The following GPC6 variants were observed in gnomAD, a reference collection of about 807,000 sequenced individuals.
GPC6 encodes glypican-6.
In GPC6, 14 loss-of-function variants were observed where a neutral mutation model predicts 55.2. The ratio of observed to expected loss-of-function variants is 0.25; its 90% CI spans 0.17 to 0.40. The LOEUF (loss-of-function observed/expected upper bound fraction) is 0.40, where lower values mean the gene tolerates loss of function less well. Among genes scored for constraint, GPC6 ranks in the 10% least tolerant of loss-of-function variants. The probability of loss-of-function intolerance (pLI) is 1.00; values close to 1 mark genes in which losing one functional copy is unlikely to be tolerated. For missense variants in GPC6, 641 were observed against 708.5 expected (o/e 0.90, Z 1.08); for synonymous variants, 278 against 259.6 (o/e 1.07, Z -0.68).
intron 6 of GPC6, among the ~76,000 whole-genome samples, chr13:94,359,178 C>A (rs981840160): frequency 8.5e-5 from 13 of 152,152 alleles, no homozygotes; most frequent in African/African-American, 2.7e-4. Flanking sequence ...ATTGAAAATG[C>A]ACTAGGCCTT....
chr13:94,401,146 C>T (rs560793348), intron 8 of GPC6, among the ~76,000 whole-genome samples: 3 of 152,150 alleles, frequency 2.0e-5, no homozygotes, highest in Non-Finnish European at 4.4e-5. Context: ...TGAGTAACTG[C>T]CCAAAGCACA....
chr13:93,587,853 A>AT (rs1170517696), intron 2 of GPC6, among the ~76,000 whole-genome samples: 2 of 152,138 alleles, frequency 1.3e-5, no homozygotes, highest in Non-Finnish European at 2.9e-5. Context: ...GGAACACATA[A>AT]TGCGTTTCGA....
At chr13:93,235,336 G>A (rs181837279) in intron 1 of GPC6, among the ~76,000 whole-genome samples, 97 of 152,246 alleles carry the variant, frequency 6.4e-4, no homozygotes, top group African/African-American at 2.2e-3. Context: ...AATAGATAGG[G>A]TGGGATTGGA....
intron 3 of GPC6, among the ~76,000 whole-genome samples, chr13:93,964,317 G>T (rs1197516303): frequency 1.3e-5 from 2 of 152,100 alleles, no homozygotes; most frequent in South Asian, 2.1e-4. Context: ...GGAAAATGAG[G>T]TCCACACATA....
chr13:94,335,103 C>G (rs755204916), intron 6 of GPC6, among the ~76,000 whole-genome samples: 1 of 152,100 alleles, frequency 6.6e-6, no homozygotes, highest in African/African-American at 2.4e-5. Flanking sequence ...TAAGCATAAT[C>G]TAGAAAGTAC....
intron 2 of GPC6, among the ~76,000 whole-genome samples, chr13:93,682,297 C>T (rs969895519): frequency 2.0e-5 from 3 of 152,154 alleles, no homozygotes; most frequent in Non-Finnish European, 4.4e-5. Context: ...TACTATAAGG[C>T]AGTGAGAACA....
intron 1 of GPC6, among the ~76,000 whole-genome samples, chr13:93,287,297 A>G (rs908254535): frequency 2.6e-5 from 4 of 152,186 alleles, no homozygotes; most frequent in African/African-American, 9.6e-5. Context: ...GCCAATGAGA[A>G]CAGAGGATTC....
intron 1 of GPC6, among the ~76,000 whole-genome samples, chr13:93,243,968 T>C (rs922525527): frequency 6.6e-6 from 1 of 151,696 alleles, no homozygotes; most frequent in African/African-American, 2.4e-5. Context: ...GCCGTGGAAC[T>C]CCTAAAAGGC....
intron 1 of GPC6, among the ~76,000 whole-genome samples, chr13:93,283,169 G>A (rs1203558395): frequency 2.0e-5 from 3 of 152,244 alleles, no homozygotes; most frequent in African/African-American, 7.2e-5. Flanking sequence ...TGCCTGCTAT[G>A]GTGGAAGAGG....
chr13:94,219,981 C>T lies in GPC6; in HGVS notation c.878-66368C>T, dbSNP rs776691309. ...TTAGAAGTCAAAGTTTTTTCCATTG[C>T]GCATGCCTGAACCACATGACTTCTG... is the stretch of plus-strand genomic sequence containing the variant. On this transcript the variant is annotated intron_variant, in intron 4 of 8. Transcript: ENST00000377047. Among the ~76,000 whole-genome samples, 14 of 152,022 alleles carry T rather than the reference C, an allele frequency of 9.2e-5. No individual in the cohort carries two copies. In the East Asian group the frequency reaches 1.9e-3, roughly 21 times the overall value.
intron 1 of GPC6, among the ~76,000 whole-genome samples, chr13:93,363,973 G>T (rs1881146361): frequency 6.6e-6 from 1 of 151,936 alleles, no homozygotes. Context: ...CCCACTTTTT[G>T]ATGGGATTGT....
At chr13:94,329,415 C>T (rs1045365065) in intron 6 of GPC6, among the ~76,000 whole-genome samples, 1 of 152,162 alleles carries the variant, frequency 6.6e-6, no homozygotes, top group East Asian at 1.9e-4. Flanking sequence ...CTCGCAGTAC[C>T]GTCTGCAGCT....
chr13:93,427,995 A>G (rs1188098537), intron 1 of GPC6, among the ~76,000 whole-genome samples: 1 of 152,180 alleles, frequency 6.6e-6, no homozygotes, highest in African/African-American at 2.4e-5. Context: ...TCACACCATG[A>G]TAACTTCAGT....
intron 3 of GPC6, among the ~76,000 whole-genome samples, chr13:93,940,330 C>A (rs1475427979): frequency 6.6e-6 from 1 of 151,428 alleles, no homozygotes; most frequent in Non-Finnish European, 1.5e-5. Context: ...AAAACCTCTT[C>A]TTTATAACCT....
intron 1 of GPC6, among the ~76,000 whole-genome samples, chr13:93,488,050 A>G (rs1437155489): frequency 6.6e-6 from 1 of 152,162 alleles, no homozygotes; most frequent in Non-Finnish European, 1.5e-5. Context: ...TACATGTGCC[A>G]AGTTGGTGTG....
chr13:93,760,259 G>A (rs1403952468), intron 2 of GPC6, among the ~76,000 whole-genome samples: 1 of 152,100 alleles, frequency 6.6e-6, no homozygotes, highest in African/African-American at 2.4e-5. Context: ...CTGAATGCAA[G>A]GCCCTTTCTC....
At chr13:93,261,378 ATC>A (rs1877141836) in intron 1 of GPC6, among the ~76,000 whole-genome samples, 1 of 152,090 alleles carries the variant, frequency 6.6e-6, no homozygotes, top group Admixed American at 6.5e-5. Context: ...TTAATGATGA[ATC>A]TCTGGAACTA....
At position 93,907,703 on chromosome 13, in the gene GPC6, T is replaced by C. The variant is rs114780793; in HGVS notation, c.711+77158T>C. 4.9e-3 allele frequency among the ~76,000 whole-genome samples: 750 copies of C among 152,314 alleles called. 11 individuals carry two copies. Among genetic ancestry groups the C allele is most frequent in the African/African-American group, 0.017 (718 of 41,584 alleles). On this transcript the variant is annotated intron_variant, in intron 3 of 8. Transcript: ENST00000377047. ...CCAGACCAAGTCAGATCTCTGAAGC[T>C]GTGACTCTATTTAGTAGTTTTATCA...
In GPC6 at chr13:93,476,564, A is replaced by T. The variant is rs1228575951; in HGVS notation, c.161-68699A>T. ...TAAGTTTTTGCTACATCGTACTTGAATTATTTTGGTGGATAGAGTTCTTAA... is the reference window on the plus strand; with the variant it reads ...TAAGTTTTTGCTACATCGTACTTGATTTATTTTGGTGGATAGAGTTCTTAA... On this transcript the variant is annotated intron_variant, in intron 1 of 8. Transcript: ENST00000377047. 2.0e-5 allele frequency among the ~76,000 whole-genome samples: 3 copies of T among 152,190 alleles called. No individual in the cohort carries two copies. The East Asian group carries it at 5.8e-4, about 29-fold the overall frequency.
Sources: gnomAD v4.1 joint callset for allele counts (sites outside exome capture counted in the v4.1 genomes callset) on GRCh38, gnomAD v4.1.1 for gene constraint, MANE v1.5 for transcripts, NCBI Gene and HGNC (gene_info 2026-07-23, HGNC 2026-07-21) for gene names.